MBOAT1: variants seen among roughly 807,000 people sequenced by gnomAD.
MBOAT1 encodes membrane-bound glycerophospholipid O-acyltransferase 1.
Under a neutral mutation model 64.4 loss-of-function variants are expected in MBOAT1, and 67 were observed. The ratio of observed to expected loss-of-function variants is 1.04; its 90% CI spans 0.85 to 1.27. MBOAT1 has a LOEUF of 1.27. MBOAT1 is among the 50% of genes most tolerant of loss of function. The pLI, the probability that MBOAT1 is intolerant of heterozygous loss-of-function variation, is 0.00. For synonymous variants in MBOAT1, 229 were observed against 218.9 expected, an observed-to-expected ratio of 1.05 and a Z score of -0.41; for missense variants, 563 against 604.6, an observed-to-expected ratio of 0.93 and a Z score of 0.72.
In MBOAT1 at chr6:20,101,483, G is replaced by GT. The variant is rs1394904128; in HGVS notation, c.*802dup. ...TCCCTCTGCCTCCATGGTCCTCTGA[G>GT]TGTAGTTATTATGTCTGCAAACCAG... On this transcript the variant is annotated 3_prime_UTR_variant, in exon 13 of 13. Transcript: ENST00000324607. Among the ~76,000 whole-genome samples, 3 of 152,218 alleles carry GT rather than the reference G, an allele frequency of 2.0e-5. No individual in the cohort carries two copies. The highest frequency in any genetic ancestry group is 2.9e-5 in the Non-Finnish European group (2 of 68,044).
chr6:20,188,035 G>A (rs377067638), intron 1 of MBOAT1, among the ~76,000 whole-genome samples: 9 of 152,102 alleles, frequency 5.9e-5, no homozygotes, highest in East Asian at 5.8e-4. Flanking sequence ...TTCTACCTAC[G>A]TTTAAAAATA....
Position 20,199,610 on chromosome 6 carries a change from C to CAA in MBOAT1, c.99+12524_99+12525dup, listed in dbSNP as rs561850455. Among the ~76,000 whole-genome samples, 250 of 152,342 alleles carry CAA rather than the reference C, an allele frequency of 1.6e-3. 1 individual carries two copies. Among genetic ancestry groups the CAA allele is most frequent in the African/African-American group, 5.8e-3 (241 of 41,568 alleles). ...AATCCTCTTTTTGTCCTTCCTTCCA[C>CAA]AATTTATATAAACTGGCTTTCTGAA... On this transcript the variant is annotated intron_variant, in intron 1 of 12. Transcript: ENST00000324607.
intron 3 of MBOAT1, among the ~76,000 whole-genome samples, chr6:20,144,871 G>A (rs1761285898): frequency 6.6e-6 from 1 of 152,006 alleles, no homozygotes; most frequent in Admixed American, 6.6e-5. Context: ...TCAAGTGTTA[G>A]TATGTCCAAG....
chr6:20,150,434 G>A (rs1287060071), intron 3 of MBOAT1, among the ~76,000 whole-genome samples: 1 of 151,934 alleles, frequency 6.6e-6, no homozygotes, highest in Non-Finnish European at 1.5e-5. Context: ...GTGAGCTTTT[G>A]TCACTATAGA....
chr6:20,198,089 A>T (rs888150574), intron 1 of MBOAT1, among the ~76,000 whole-genome samples: 1 of 151,984 alleles, frequency 6.6e-6, no homozygotes, highest in Non-Finnish European at 1.5e-5. Flanking sequence ...TTAGCCAGGC[A>T]TGGTGGCAGG....
At chr6:20,143,965 T>C (rs1201186799) in intron 4 of MBOAT1, among the ~76,000 whole-genome samples, 1 of 152,174 alleles carries the variant, frequency 6.6e-6, no homozygotes, top group Non-Finnish European at 1.5e-5. Context: ...TGCGTTCCAA[T>C]ATAACTGTAC....
intron 11 of MBOAT1, among the ~76,000 whole-genome samples, chr6:20,111,865 T>TATACATATATATATACATATAC: frequency 7.2e-6 from 1 of 138,230 alleles, no homozygotes; most frequent in Non-Finnish European, 1.5e-5. Context: ...TATACATATA[T>TATACATATATATATACATATAC]ATACATATAT....
At chr6:20,195,605 CTGTGTG>C (rs10540923) in intron 1 of MBOAT1, among the ~76,000 whole-genome samples, 2,952 of 149,376 alleles carry the variant, frequency 0.02, 36 homozygotes, top group Non-Finnish European at 0.03. Context: ...AATAAATTGC[CTGTGTG>C]TGTGTGTGTG....
At chr6:20,144,990 A>G (rs1761289397) in intron 3 of MBOAT1, among the ~76,000 whole-genome samples, 1 of 152,192 alleles carries the variant, frequency 6.6e-6, no homozygotes, top group South Asian at 2.1e-4. Context: ...TATAGTATAC[A>G]CTAGCAATAC....
intron 1 of MBOAT1, among the ~76,000 whole-genome samples, chr6:20,187,241 G>A (rs1489813845): frequency 6.6e-6 from 1 of 152,354 alleles, no homozygotes; most frequent in South Asian, 2.1e-4. Flanking sequence ...ATCTTGGAAA[G>A]AGCAGGGACT....
At chr6:20,109,572 G>A (rs776711296) in intron 12 of MBOAT1, 26 bp downstream of exon 12, 1 of 1,599,708 alleles carries the variant, frequency 6.3e-7, no homozygotes, top group African/African-American at 1.3e-5. Flanking sequence ...TTTACGAGAT[G>A]GCAACTGAGA....
intron 11 of MBOAT1, among the ~76,000 whole-genome samples, chr6:20,112,503 G>A (rs1760198811): frequency 6.6e-6 from 1 of 152,162 alleles, no homozygotes; most frequent in South Asian, 2.1e-4. Flanking sequence ...ATTAAGCAAA[G>A]TATAAGCAAA....
chr6:20,115,401 G>A (rs531454323), intron 9 of MBOAT1, 49 bp from the exon 10 acceptor site: 23 of 1,447,756 alleles, frequency 1.6e-5, no homozygotes, highest in South Asian at 1.0e-4. Flanking sequence ...AATACCCGAA[G>A]TAATGGAAAG....
At chr6:20,183,386 G>A (rs1762562753) in intron 1 of MBOAT1, among the ~76,000 whole-genome samples, 1 of 152,184 alleles carries the variant, frequency 6.6e-6, no homozygotes, top group South Asian at 2.1e-4. Context: ...TGACACACCT[G>A]GGTCCAGCTG....
chr6:20,116,615 A>G (rs1760327367), intron 9 of MBOAT1, among the ~76,000 whole-genome samples: 1 of 152,164 alleles, frequency 6.6e-6, no homozygotes, highest in Admixed American at 6.5e-5. Flanking sequence ...TTATTTATCT[A>G]TTTCTTCTGC....
chr6:20,159,557 T>C (rs562139344), intron 1 of MBOAT1, among the ~76,000 whole-genome samples: 135 of 152,080 alleles, frequency 8.9e-4, no homozygotes, highest in African/African-American at 3.1e-3. Context: ...TGATCTTAAG[T>C]GCATGTGGAA....
intron 1 of MBOAT1, among the ~76,000 whole-genome samples, chr6:20,178,057 A>T (rs1762400477): frequency 6.6e-6 from 1 of 152,182 alleles, no homozygotes; most frequent in South Asian, 2.1e-4. Flanking sequence ...TCAGTGCTCT[A>T]TTCTAACATT....
intron 8 of MBOAT1, among the ~76,000 whole-genome samples, chr6:20,121,319 T>G (rs1309868104): frequency 1.3e-5 from 2 of 152,248 alleles, no homozygotes; most frequent in Admixed American, 6.5e-5. Flanking sequence ...ATTCATTGCT[T>G]CTTTATTCGT....
rs373325524 is a variant in MBOAT1, at chr6:20,128,658, T to C, written c.530+41A>G. ...AATGAGGAAAATCTCTAGATACTGATATGCAAAGGGCTTGTTAATATATCG... is the reference window on the plus strand; with the variant it reads ...AATGAGGAAAATCTCTAGATACTGACATGCAAAGGGCTTGTTAATATATCG... On this transcript the variant is annotated intron_variant, in intron 6 of 12. Transcript: ENST00000324607. The C allele has an allele frequency of 3.4e-5, 50 of 1,474,762 alleles. No individual in the cohort carries two copies. The African/African-American group carries it at 5.9e-4, about 17-fold the overall frequency. The allele number at this position is 1,474,762 out of a possible 1,614,324, so 91.4% of individuals were successfully genotyped here.
Sources: allele counts gnomAD v4.1 joint callset (sites outside exome capture counted in the v4.1 genomes callset), GRCh38; gene constraint gnomAD v4.1.1; transcripts MANE v1.5; gene names NCBI Gene and HGNC (gene_info 2026-07-23, HGNC 2026-07-21).